Variants in ESR1 observed in about 807,000 individuals in gnomAD.
ESR1 encodes estrogen receptor.
In ESR1, 12 loss-of-function variants were observed where a neutral mutation model predicts 52.7. That is an observed-to-expected ratio of 0.23 (90% CI 0.15 to 0.37). The LOEUF (loss-of-function observed/expected upper bound fraction) is 0.37, where lower values mean the gene tolerates loss of function less well. Ranked by LOEUF, ESR1 falls within the 10% of genes least tolerant of loss-of-function variation. The pLI, the probability that ESR1 is intolerant of heterozygous loss-of-function variation, is 1.00. For missense variants in ESR1, 584 were observed against 779.7 expected, an observed-to-expected ratio of 0.75 and a Z score of 2.99; for synonymous variants, 305 against 316.8, an observed-to-expected ratio of 0.96 and a Z score of 0.39.
chr6:152,031,616 A>T (rs550978725), intron 5 of ESR1, among the ~76,000 whole-genome samples: 1 of 152,232 alleles, frequency 6.6e-6, no homozygotes, highest in Non-Finnish European at 1.5e-5. Flanking sequence ...GAATAGACCA[A>T]TAATAGGCTC....
At chr6:151,947,268 G>T (rs963968198) in intron 4 of ESR1, among the ~76,000 whole-genome samples, 6 of 152,108 alleles carry the variant, frequency 3.9e-5, no homozygotes, top group African/African-American at 1.2e-4. Flanking sequence ...GCAGTGAGCC[G>T]AGACCCCACA....
Position 152,100,158 on chromosome 6 carries a change from T to G in ESR1, c.*1192T>G, listed in dbSNP as rs977601271. 2.5e-6 allele frequency: 1 copy of G among 398,424 alleles called. No individual in the cohort carries two copies. Among genetic ancestry groups the G allele is most frequent in the African/African-American group, 2.1e-5 (1 of 48,642 alleles). 24.7% of individuals were successfully genotyped at this position (398,424 alleles called of 1,614,324 possible). The stretch of plus-strand genomic sequence containing the variant: ...CCCGCATTGCCCTTTGGGGGTGCCC[T>G]GGGATCCCTGGGGTAGTCCAGCTCT... On this transcript the variant is annotated 3_prime_UTR_variant, in exon 8 of 8. Transcript: ENST00000206249.
chr6:151,901,184 G>A (rs542593751), intron 3 of ESR1, among the ~76,000 whole-genome samples: 21 of 152,262 alleles, frequency 1.4e-4, no homozygotes, highest in Admixed American at 7.2e-4. Context: ...GAGGATTATG[G>A]CTGCCTCTGC....
At chr6:151,868,214 G>A (rs924109294) in intron 2 of ESR1, among the ~76,000 whole-genome samples, 6 of 151,770 alleles carry the variant, frequency 4.0e-5, no homozygotes, top group Non-Finnish European at 7.4e-5. Flanking sequence ...TGCAACCTCC[G>A]CCTCCCAGAT....
chr6:152,047,867 G>A (rs985699451), intron 5 of ESR1, among the ~76,000 whole-genome samples: 11 of 151,826 alleles, frequency 7.2e-5, no homozygotes, highest in South Asian at 2.1e-4. Context: ...ATGTGCTCCC[G>A]GCTCTCCAGG....
intron 4 of ESR1, among the ~76,000 whole-genome samples, chr6:151,994,284 C>G (rs916117460): frequency 1.3e-5 from 2 of 152,134 alleles, no homozygotes; most frequent in Non-Finnish European, 2.9e-5. Flanking sequence ...CTCTGAGGTC[C>G]CTTCTAGCCT....
intron 2 of ESR1, among the ~76,000 whole-genome samples, chr6:151,860,629 C>A (rs576396019): frequency 6.6e-6 from 1 of 152,220 alleles, no homozygotes; most frequent in South Asian, 2.1e-4. Context: ...CTGCCATTTG[C>A]AACAACATGG....
chr6:151,733,752 T>C (rs1447156300), intron 2 of ESR1, among the ~76,000 whole-genome samples: 1 of 152,072 alleles, frequency 6.6e-6, no homozygotes, highest in Non-Finnish European at 1.5e-5. Flanking sequence ...GAAAAAACAA[T>C]GATGTGAAGA....
At chr6:151,969,842 T>TTTGTTG (rs58812094) in intron 4 of ESR1, among the ~76,000 whole-genome samples, 1 of 151,908 alleles carries the variant, frequency 6.6e-6, no homozygotes, top group East Asian at 1.9e-4. Context: ...ATTCTGTGCT[T>TTTGTTG]TTGTTGTTGT....
intron 3 of ESR1, among the ~76,000 whole-genome samples, chr6:151,925,419 C>T (rs1201376487): frequency 1.3e-5 from 2 of 152,104 alleles, no homozygotes; most frequent in Non-Finnish European, 2.9e-5. Context: ...CCATTCTGGC[C>T]AACATGGTGA....
intron 2 of ESR1, among the ~76,000 whole-genome samples, chr6:151,778,851 G>A (rs1786266288): frequency 6.6e-6 from 1 of 152,004 alleles, no homozygotes; most frequent in Admixed American, 6.6e-5. Context: ...ATTTGTTTTC[G>A]CTGTCATGCA....
intron 1 of ESR1, among the ~76,000 whole-genome samples, chr6:151,839,423 A>T (rs1317041136): frequency 6.6e-6 from 1 of 152,214 alleles, no homozygotes; most frequent in African/African-American, 2.4e-5. Context: ...CCACTGTGGA[A>T]AACACTGGTG....
chr6:151,937,373 C>T (rs940875498), intron 3 of ESR1, among the ~76,000 whole-genome samples: 4 of 152,068 alleles, frequency 2.6e-5, no homozygotes, highest in South Asian at 2.1e-4. Flanking sequence ...TTCCTGCTGA[C>T]GGCTAAGGCA....
intron 2 of ESR1, among the ~76,000 whole-genome samples, chr6:151,746,192 T>G (rs1783470229): frequency 6.6e-6 from 1 of 152,214 alleles, no homozygotes; most frequent in African/African-American, 2.4e-5. Flanking sequence ...CAAATCTCTT[T>G]GAGGACTCTG....
chr6:151,750,188 A>T (rs577961741), intron 2 of ESR1, among the ~76,000 whole-genome samples: 82 of 152,300 alleles, frequency 5.4e-4, no homozygotes, highest in Non-Finnish European at 7.9e-4. Flanking sequence ...AAAAAAATTC[A>T]GCTCTGGTTA....
chr6:151,809,975 A>G (rs553919485), intron 1 of ESR1, among the ~76,000 whole-genome samples: 1 of 152,258 alleles, frequency 6.6e-6, no homozygotes, highest in East Asian at 1.9e-4. Flanking sequence ...TGTGAATTCC[A>G]TAACCTTATG....
intron 1 of ESR1, chr6:151,656,889 A>G (rs1777473355): frequency 6.6e-6 from 1 of 152,204 alleles, no homozygotes; most frequent in Admixed American, 6.5e-5. Context: ...CATAGAAAGA[A>G]CATTTGTGTC....
intron 6 of ESR1, among the ~76,000 whole-genome samples, chr6:152,070,015 A>G (rs564155595): frequency 7.3e-6 from 1 of 137,808 alleles, no homozygotes; most frequent in Admixed American, 6.8e-5. Context: ...ACACAAGGGA[A>G]TTTCTGGCAA....
At chr6:151,988,592 C>T (rs189522416) in intron 4 of ESR1, among the ~76,000 whole-genome samples, 1 of 152,022 alleles carries the variant, frequency 6.6e-6, no homozygotes, top group Non-Finnish European at 1.5e-5. Flanking sequence ...TGGGAGGAGG[C>T]AGATGATCAG....
Sources: allele counts gnomAD v4.1 joint callset (sites outside exome capture counted in the v4.1 genomes callset), GRCh38; gene constraint gnomAD v4.1.1; transcripts MANE v1.5; gene names NCBI Gene and HGNC (gene_info 2026-07-23, HGNC 2026-07-21).